The following UNC5A variants were observed in gnomAD, a reference collection of about 807,000 sequenced individuals.
UNC5A encodes netrin receptor UNC5A.
Under a neutral mutation model 87.4 loss-of-function variants are expected in UNC5A, and 20 were observed. That is an observed-to-expected ratio of 0.23 (90% CI 0.16 to 0.33). UNC5A has a LOEUF of 0.33. UNC5A is among the 10% of genes least tolerant of loss of function. The pLI is 1.00. For synonymous variants in UNC5A, 438 were observed against 482.3 expected, an observed-to-expected ratio of 0.91 and a Z score of 1.20; for missense variants, 844 against 1,133.4, an observed-to-expected ratio of 0.74 and a Z score of 3.67.
At chr5:176,879,592 A>C in intron 14 of UNC5A, 104 bp downstream of exon 14, 1 of 1,543,786 alleles carries the variant, frequency 6.5e-7, no homozygotes, top group Admixed American at 1.9e-5. Context: ...CCTGTGCCGC[A>C]TCTACTAGTG....
rs1207405910 is a variant in UNC5A, at chr5:176,879,788, C to T, written c.2431C>T (p.His811Tyr). The T allele has an allele frequency of 6.2e-7, 1 of 1,613,458 alleles. No individual in the cohort carries two copies. The highest frequency in any genetic ancestry group is 8.5e-7 in the Non-Finnish European group (1 of 1,179,900). ...AMILNLWEAR[H>Y]FPNGNLSQLA... ...GATCCTCAACCTGTGGGAGGCGCGG[C>T]ACTTCCCCAACGGCAACCTCAGCCA... Residue 811 changes from histidine to tyrosine, a missense_variant, in exon 15 of 15, where the codon CAC becomes TAC. Transcript: ENST00000329542.
chr5:176,837,288 T>A (rs1757169942), intron 1 of UNC5A, among the ~76,000 whole-genome samples: 1 of 152,206 alleles, frequency 6.6e-6, no homozygotes, highest in South Asian at 2.1e-4. Flanking sequence ...TACTGTCTTC[T>A]AGCACAGGCA....
chr5:176,821,699 T>G (rs1224895252), intron 1 of UNC5A, among the ~76,000 whole-genome samples: 2 of 152,238 alleles, frequency 1.3e-5, no homozygotes, highest in Non-Finnish European at 2.9e-5. Flanking sequence ...TTGTAGTGAT[T>G]GGCTGTCCTG....
Position 176,862,757 on chromosome 5 carries a change from G to A in UNC5A, c.204G>A (p.Val68=), listed in dbSNP as rs1172879721. The A allele has an allele frequency of 6.2e-7, 1 of 1,613,590 alleles. No homozygotes were observed. Among genetic ancestry groups the A allele is most frequent in the African/African-American group, 1.3e-5 (1 of 75,064 alleles). ...NKPVLLVCKA[V]PATQIFFKCN... The stretch of plus-strand genomic sequence containing the variant: ...CAGTGCTGCTTGTGTGCAAGGCCGT[G>A]CCCGCCACGCAGATCTTCTTCAAGT... The change falls in exon 2 of 15, where the codon GTG becomes GTA. Residue 68 remains valine (V), a synonymous_variant. Coordinates refer to ENST00000329542, the MANE Select transcript of UNC5A (RefSeq NM_133369.3).
chr5:176,850,962 A>G (rs1447813009), intron 1 of UNC5A, among the ~76,000 whole-genome samples: 1 of 149,912 alleles, frequency 6.7e-6, no homozygotes, highest in Non-Finnish European at 1.5e-5. Flanking sequence ...CAGTGCTCCC[A>G]GGACTTCCCA....
intron 2 of UNC5A, among the ~76,000 whole-genome samples, chr5:176,867,319 T>C (rs1413142869): frequency 6.6e-6 from 1 of 152,134 alleles, no homozygotes; most frequent in Non-Finnish European, 1.5e-5. Context: ...TCAGGCCAGA[T>C]ATGGCAGAAG....
chr5:176,850,538 G>A (rs747348257), intron 1 of UNC5A, among the ~76,000 whole-genome samples: 18 of 152,218 alleles, frequency 1.2e-4, no homozygotes, highest in Non-Finnish European at 2.5e-4. Context: ...AGTCGGGATG[G>A]CGCAGGCAGC....
rs549588438 is a variant in UNC5A, at chr5:176,875,739, C to T, written c.1378+1173C>T. On this transcript the variant is annotated intron_variant, in intron 8 of 14. Coordinates refer to ENST00000329542, the MANE Select transcript of UNC5A (RefSeq NM_133369.3). This position sits in a 1 kb window ranked among gnomAD's most constrained non-coding sequence, Gnocchi z 5.2. ...CCAGCTGCTTCAGCCTCTTCCCTCA[C>T]ACACATCGTCCCGCACACGGCAGCC... is the stretch of plus-strand genomic sequence containing the variant. Among the ~76,000 whole-genome samples, 31 of 152,320 alleles carry T rather than the reference C, an allele frequency of 2.0e-4. No individual in the cohort carries two copies. The highest frequency in any genetic ancestry group is 7.5e-4 in the African/African-American group (31 of 41,584).
chr5:176,822,565 T>TG (rs976682307), intron 1 of UNC5A, among the ~76,000 whole-genome samples: 17 of 152,210 alleles, frequency 1.1e-4, no homozygotes, highest in African/African-American at 3.6e-4. Flanking sequence ...AGAGCCCGGG[T>TG]GTGTCTCCAG....
chr5:176,834,315 T>C (rs1757096786), intron 1 of UNC5A, among the ~76,000 whole-genome samples: 1 of 152,186 alleles, frequency 6.6e-6, no homozygotes, highest in Non-Finnish European at 1.5e-5. Context: ...CCTACCGAGA[T>C]GCATGGTTGG....
At chr5:176,870,958 A>C (rs374904352) in intron 6 of UNC5A, among the ~76,000 whole-genome samples, 92 of 79,496 alleles carry the variant, frequency 1.2e-3, no homozygotes, top group East Asian at 2.9e-3. Context: ...ACACTCGCCC[A>C]ACACCACAGC....
intron 1 of UNC5A, among the ~76,000 whole-genome samples, chr5:176,845,203 G>A (rs534288167): frequency 6.6e-6 from 1 of 152,194 alleles, no homozygotes; most frequent in South Asian, 2.1e-4. Flanking sequence ...GCAGCTCCCT[G>A]TCCTCCTGTG....
chr5:176,876,499 G>C (rs1399376699), intron 8 of UNC5A, among the ~76,000 whole-genome samples: 1 of 152,120 alleles, frequency 6.6e-6, no homozygotes, highest in Non-Finnish European at 1.5e-5. Flanking sequence ...CCTGGCCCCC[G>C]TCTTTGCCGG....
At chr5:176,861,269 A>T (rs2149363306) in intron 1 of UNC5A, among the ~76,000 whole-genome samples, 1 of 152,300 alleles carries the variant, frequency 6.6e-6, no homozygotes, top group Non-Finnish European at 1.5e-5. Flanking sequence ...CGCCTGTTTC[A>T]TTTCATCCTC....
intron 1 of UNC5A, among the ~76,000 whole-genome samples, chr5:176,815,199 G>A (rs906940917): frequency 2.0e-5 from 3 of 152,226 alleles, no homozygotes; most frequent in African/African-American, 4.8e-5. Context: ...ACGTCAAGAC[G>A]TGGGCTGCTC....
chr5:176,810,899 A>AC lies in UNC5A; in HGVS notation c.70+81dup. The stretch of plus-strand genomic sequence containing the variant: ...ACGCTCGCTGCTCTGGGGGTCCCTG[A>AC]CCAGCGCTGCCAGACCCGGCTGGGA... On this transcript the variant is annotated intron_variant, in intron 1 of 14. Coordinates refer to ENST00000329542, the MANE Select transcript of UNC5A (RefSeq NM_133369.3). The surrounding 1 kb of genome is among the most constrained non-coding windows in gnomAD (Gnocchi z 7.3). 8.6e-7 allele frequency: 1 copy of AC among 1,159,546 alleles called. No homozygotes were observed. Among genetic ancestry groups the AC allele is most frequent in the Non-Finnish European group, 1.1e-6 (1 of 936,798 alleles). The allele number at this position is 1,159,546 out of a possible 1,614,324, so 71.8% of individuals were successfully genotyped here. A position where few individuals can be genotyped will look rare whatever the true frequency, so the allele number is the denominator to read the frequency against.
chr5:176,869,890 C>A lies in UNC5A; in HGVS notation c.722-480C>A. 1 of 579,036 alleles carries A rather than the reference C, an allele frequency of 1.7e-6. No individual in the cohort carries two copies. The highest frequency in any genetic ancestry group is 3.1e-6 in the Non-Finnish European group (1 of 323,762). The allele number at this position is 579,036 out of a possible 1,614,324, so 35.9% of individuals were successfully genotyped here. On this transcript the variant is annotated intron_variant, in intron 5 of 14. Transcript: ENST00000329542. This position sits in a 1 kb window ranked among gnomAD's most constrained non-coding sequence, Gnocchi z 9.1. ...CCCATGGCTCCATCCCACCCACCCG[C>A]CACGCAGGGCCAGGCTCAGTCTGAG...
At position 176,862,761 on chromosome 5, in the gene UNC5A, G is replaced by A. The variant is rs754588392; in HGVS notation, c.208G>A (p.Ala70Thr). ...GCTGCTTGTGTGCAAGGCCGTGCCC[G>A]CCACGCAGATCTTCTTCAAGTGCAA... The part of the protein sequence containing the change: ...PVLLVCKAVP[A>T]TQIFFKCNGE... Residue 70 changes from alanine (A) to threonine (T), a missense_variant, in exon 2 of 15, where the codon GCC (alanine) becomes ACC (threonine). By Grantham distance (58) the Ala-to-Thr change is moderately conservative (BLOSUM62 0). This residue lies in a region of UNC5A where 314 missense variants were observed against 466.5 expected (regional missense o/e 0.67). Coordinates refer to ENST00000329542, the MANE Select transcript of UNC5A (RefSeq NM_133369.3). 5.3e-5 allele frequency: 86 copies of A among 1,613,438 alleles called. No individual in the cohort carries two copies. The Middle Eastern group carries it at 6.6e-4, about 12-fold the overall frequency.
rs939576854 is a variant in UNC5A at position 176,875,630 on chromosome 5, T to C, written c.1378+1064T>C. Among the ~76,000 whole-genome samples, 2 of 152,058 alleles carry C rather than the reference T, an allele frequency of 1.3e-5. No individual in the cohort carries two copies. The highest frequency in any genetic ancestry group is 2.9e-5 in the Non-Finnish European group (2 of 68,004). On this transcript the variant is annotated intron_variant, in intron 8 of 14. Transcript: ENST00000329542. The surrounding 1 kb of genome is among the most constrained non-coding windows in gnomAD (Gnocchi z 5.2). ...ATGAAGCCAGAGTTGATCATGACCCTCTCGTGCTCGAATCCCTTCTGGGCT... is the reference window on the plus strand; with the variant it reads ...ATGAAGCCAGAGTTGATCATGACCCCCTCGTGCTCGAATCCCTTCTGGGCT...
Sources: allele counts gnomAD v4.1 joint callset (sites outside exome capture counted in the v4.1 genomes callset), GRCh38; gene constraint gnomAD v4.1.1; regional missense constraint gnomAD v4.1.1; non-coding constraint Gnocchi (gnomAD v3.1); transcripts MANE v1.5; gene names NCBI Gene and HGNC (gene_info 2026-07-23, HGNC 2026-07-21).